GBE1: variants seen among roughly 807,000 people sequenced by gnomAD.
The protein encoded by GBE1 is 1,4-alpha-glucan branching enzyme 1.
Under a neutral mutation model 88.8 loss-of-function variants are expected in GBE1, and 70 were observed. The observed-to-expected ratio is 0.79, with a 90% CI of 0.65 to 0.96. The LOEUF (loss-of-function observed/expected upper bound fraction) is 0.96. Among genes scored for constraint, GBE1 ranks in the 40% least tolerant of loss-of-function variants. GBE1 has a pLI of 0.00. For synonymous variants in GBE1, 284 were observed against 300.1 expected (o/e 0.95, Z 0.56); for missense variants, 872 against 871.0 (o/e 1.00, Z -0.01).
At position 81,670,889 on chromosome 3, in the gene GBE1, G is replaced by C; in HGVS notation, c.378C>G (p.Ile126Met). 6.3e-7 allele frequency: 1 copy of C among 1,582,014 alleles called. No homozygotes were observed. The highest frequency in any genetic ancestry group is 8.6e-7 in the Non-Finnish European group (1 of 1,167,572). Residue 126 changes from isoleucine to methionine, a missense_variant, in exon 3 of 16, where the codon ATC (isoleucine) becomes ATG (methionine). Transcript: ENST00000429644. ...GTACAGATTTATTCTGCTTTGGTGG[G>C]ATATACAGCTCCCATTTTCCATAAT... ...KLDYGKWELYIPPKQNKSVLV... is the reference protein window; with the variant it reads ...KLDYGKWELYMPPKQNKSVLV...
chr3:81,680,191 T>G (rs1012260141), intron 2 of GBE1, among the ~76,000 whole-genome samples: 3 of 152,208 alleles, frequency 2.0e-5, no homozygotes, highest in Admixed American at 6.5e-5. Flanking sequence ...ACAAGTGAGT[T>G]TGAAATGTTA....
chr3:81,648,992 C>T lies in GBE1; in HGVS notation c.556-1G>A. ...GCTTCTTTGGTCTGGAATGCTTAAA[C>T]TACAGAATATAAAATTATGTATAGA... On this transcript the variant is annotated splice_acceptor_variant, in intron 4 of 15. Transcript: ENST00000429644. LOFTEE classifies it high-confidence loss of function. 2.6e-6 allele frequency: 4 copies of T among 1,558,914 alleles called. No individual in the cohort carries two copies. The highest frequency in any genetic ancestry group is 1.2e-5 in the South Asian group (1 of 83,214).
In GBE1 at chr3:81,670,954, C is replaced by A; in HGVS notation, c.314-1G>T. Reference sequence around the variant, plus strand: ...GGGTACGAAAATGGATTCCAACCATCTAAAAAAATGAAGAAGATCAGTTAA... The same window carrying A: ...GGGTACGAAAATGGATTCCAACCATATAAAAAAATGAAGAAGATCAGTTAA... On this transcript the variant is annotated splice_acceptor_variant, in intron 2 of 15. Coordinates refer to ENST00000429644, the MANE Select transcript of GBE1 (RefSeq NM_000158.4). LOFTEE classifies it high-confidence loss of function. 6.7e-7 allele frequency: 1 copy of A among 1,487,690 alleles called. No homozygotes were observed. The highest frequency in any genetic ancestry group is 2.2e-5 in the Admixed American group (1 of 46,170). The allele number at this position is 1,487,690 out of a possible 1,614,324, so 92.2% of individuals were successfully genotyped here.
intron 1 of GBE1, among the ~76,000 whole-genome samples, chr3:81,711,944 C>G (rs917180239): frequency 8.5e-5 from 13 of 152,086 alleles, no homozygotes; most frequent in Non-Finnish European, 1.8e-4. Context: ...ACAAAGAACT[C>G]AAACAAATTT....
chr3:81,636,894 T>A (rs1385273728), intron 7 of GBE1, among the ~76,000 whole-genome samples: 3 of 152,124 alleles, frequency 2.0e-5, no homozygotes, highest in African/African-American at 7.2e-5. Flanking sequence ...CTATATTACT[T>A]CAATTATAAA....
intron 12 of GBE1, among the ~76,000 whole-genome samples, chr3:81,562,214 G>A (rs1323171295): frequency 6.6e-6 from 1 of 152,026 alleles, no homozygotes; most frequent in South Asian, 2.1e-4. Context: ...AAACAAAGAG[G>A]ACCATTAAGT....
intron 14 of GBE1, among the ~76,000 whole-genome samples, chr3:81,512,582 G>C (rs1032761826): frequency 1.4e-4 from 21 of 151,746 alleles, no homozygotes; most frequent in African/African-American, 4.4e-4. Context: ...GGCATTTCTA[G>C]AGGGCAACAA....
chr3:81,583,721 G>T (rs1047683941), intron 10 of GBE1, among the ~76,000 whole-genome samples: 2 of 152,104 alleles, frequency 1.3e-5, no homozygotes, highest in South Asian at 2.1e-4. Context: ...GATCTCATTC[G>T]TGGTTGCCAG....
rs73853484 is a variant in GBE1 at position 81,745,512 on chromosome 3, T to C, written c.143+15863A>G. 5.0e-3 allele frequency among the ~76,000 whole-genome samples: 766 copies of C among 152,034 alleles called. 2 individuals are homozygous for C. Among genetic ancestry groups the C allele is most frequent in the African/African-American group, 0.018 (735 of 41,472 alleles). On this transcript the variant is annotated intron_variant, in intron 1 of 15. Transcript: ENST00000429644. ...TCTGACCCCAATGCACATAAAATGA[T>C]GTATATGTAAATTATAACAATAATA...
intron 7 of GBE1, among the ~76,000 whole-genome samples, chr3:81,642,382 A>C (rs2107058555): frequency 6.6e-6 from 1 of 152,238 alleles, no homozygotes; most frequent in Middle Eastern, 3.4e-3. Context: ...AAAACCATGT[A>C]ATTTTAAGAT....
At chr3:81,575,335 T>C (rs970794543) in intron 12 of GBE1, among the ~76,000 whole-genome samples, 3 of 152,252 alleles carry the variant, frequency 2.0e-5, no homozygotes, top group East Asian at 1.9e-4. Flanking sequence ...CAAAAAAGCA[T>C]AGTAAATATT....
intron 12 of GBE1, among the ~76,000 whole-genome samples, chr3:81,565,902 G>A (rs989886179): frequency 1.3e-5 from 2 of 152,010 alleles, no homozygotes; most frequent in Non-Finnish European, 2.9e-5. Context: ...GTATATATTT[G>A]TATACAAATC....
chr3:81,529,423 T>C (rs1033685134), intron 14 of GBE1, among the ~76,000 whole-genome samples: 4 of 152,058 alleles, frequency 2.6e-5, no homozygotes, highest in African/African-American at 9.6e-5. Flanking sequence ...TTAAGGTTAT[T>C]TCTTATTGCT....
intron 2 of GBE1, among the ~76,000 whole-genome samples, chr3:81,673,127 A>G (rs1315230580): frequency 6.6e-6 from 1 of 151,838 alleles, no homozygotes; most frequent in East Asian, 1.9e-4. Context: ...TTCCATTACC[A>G]AAACAAAGAG....
intron 12 of GBE1, among the ~76,000 whole-genome samples, chr3:81,551,163 A>G (rs553277762): frequency 2.0e-5 from 3 of 152,338 alleles, no homozygotes; most frequent in African/African-American, 7.2e-5. Flanking sequence ...GTTTAACTAT[A>G]ACAGAAGAAT....
At chr3:81,681,785 T>C (rs1705348425) in intron 2 of GBE1, among the ~76,000 whole-genome samples, 1 of 152,178 alleles carries the variant, frequency 6.6e-6, no homozygotes, top group East Asian at 1.9e-4. Context: ...TAAATTTGGA[T>C]TCCTGCCTCG....
chr3:81,584,251 T>C (rs1396652553), intron 10 of GBE1, among the ~76,000 whole-genome samples: 2 of 152,080 alleles, frequency 1.3e-5, no homozygotes, highest in East Asian at 1.9e-4. Context: ...TGATACATAA[T>C]TTGCTTTTGA....
In GBE1 at chr3:81,686,172, G is replaced by T. The variant is rs114283702; in HGVS notation, c.314-15219C>A. Among the ~76,000 whole-genome samples, 237 of 152,252 alleles carry T rather than the reference G, an allele frequency of 1.6e-3. 1 individual carries two copies. The highest frequency in any genetic ancestry group is 5.6e-3 in the African/African-American group (231 of 41,560). ...GGTAAGACAATTGTTTGGTTATTAG[G>T]GGTGGCAGAGAAAAATAATGTTTCG... On this transcript the variant is annotated intron_variant, in intron 2 of 15. Coordinates refer to ENST00000429644, the MANE Select transcript of GBE1 (RefSeq NM_000158.4).
At chr3:81,536,383 G>A (rs1035955190) in intron 13 of GBE1, among the ~76,000 whole-genome samples, 5 of 151,776 alleles carry the variant, frequency 3.3e-5, no homozygotes, top group African/African-American at 1.2e-4. Flanking sequence ...TCTAAAATTT[G>A]TTGAAAACTG....
Sources: allele counts gnomAD v4.1 joint callset (sites outside exome capture counted in the v4.1 genomes callset), GRCh38; gene constraint gnomAD v4.1.1; transcripts MANE v1.5; gene names NCBI Gene and HGNC (gene_info 2026-07-23, HGNC 2026-07-21).